Variants in ZNF618 observed in about 807,000 individuals in gnomAD.
ZNF618 encodes neural precursor cell expressed, developmentally down-regulated 10.
Under a neutral mutation model 103.0 loss-of-function variants are expected in ZNF618, and 34 were observed. The observed-to-expected ratio is 0.33, with a 90% CI of 0.25 to 0.44. The LOEUF (loss-of-function observed/expected upper bound fraction) is 0.44, where lower values mean the gene tolerates loss of function less well. Among genes scored for constraint, ZNF618 ranks in the 20% least tolerant of loss-of-function variants. The probability of loss-of-function intolerance (pLI) is 1.00; values close to 1 mark genes in which losing one functional copy is unlikely to be tolerated. For synonymous variants in ZNF618, 551 were observed against 542.2 expected, an observed-to-expected ratio of 1.02 and a Z score of -0.23; for missense variants, 1,059 against 1,295.4, an observed-to-expected ratio of 0.82 and a Z score of 2.80.
intron 1 of ZNF618, among the ~76,000 whole-genome samples, chr9:113,918,552 T>C (rs904301403): frequency 2.0e-5 from 3 of 152,214 alleles, no homozygotes; most frequent in Non-Finnish European, 4.4e-5. Context: ...TAGAAAGATC[T>C]CTCCTTTCTC....
chr9:114,054,302 A>C lies in ZNF618; in HGVS notation c.*4135A>C, dbSNP rs55994673. 6.6e-6 allele frequency: 1 copy of C among 151,870 alleles called. No homozygotes were observed. The highest frequency in any genetic ancestry group is 1.5e-5 in the Non-Finnish European group (1 of 67,952). The allele number at this position is 151,870 out of a possible 1,614,324, so 9.4% of individuals were successfully genotyped here. A position where few individuals can be genotyped will look rare whatever the true frequency, so the allele number is the denominator to read the frequency against. On this transcript the variant is annotated 3_prime_UTR_variant, in exon 15 of 15. Transcript: ENST00000374126. Reference sequence around the variant, plus strand: ...AGGGTCATTGGGAAGGTTTGAAATGAAGATGGGATGTGGCTGGAACAGCCT... The same window carrying C: ...AGGGTCATTGGGAAGGTTTGAAATGCAGATGGGATGTGGCTGGAACAGCCT...
intron 3 of ZNF618, among the ~76,000 whole-genome samples, chr9:113,989,162 A>G (rs1839779504): frequency 1.3e-5 from 2 of 152,238 alleles, no homozygotes; most frequent in South Asian, 2.1e-4. Context: ...CACAGACTCA[A>G]ATGCCCATGA....
intron 1 of ZNF618, among the ~76,000 whole-genome samples, chr9:113,944,468 G>T (rs1421517921): frequency 6.6e-6 from 1 of 152,076 alleles, no homozygotes; most frequent in Non-Finnish European, 1.5e-5. Context: ...TCATTGAGAC[G>T]GGATTTTGCC....
intron 12 of ZNF618, among the ~76,000 whole-genome samples, chr9:114,034,237 A>G (rs1197278249): frequency 6.6e-6 from 1 of 152,100 alleles, no homozygotes; most frequent in Non-Finnish European, 1.5e-5. Flanking sequence ...AACGTAATCC[A>G]CCCAACCTCT....
rs536265488 is a variant in ZNF618 at position 113,954,786 on chromosome 9, G to T, written c.34-14331G>T. ...TGGCCTTCAAAAGTTTAACCAGTAG[G>T]ATGCTCATCAGGAAGACTGGAATGT... On this transcript the variant is annotated intron_variant, in intron 1 of 14. Transcript: ENST00000374126. Among the ~76,000 whole-genome samples the T allele has an allele frequency of 2.6e-4, 39 of 152,300 alleles. 1 individual carries two copies. Among genetic ancestry groups the T allele is most frequent in the African/African-American group, 9.1e-4 (38 of 41,552 alleles).
At chr9:113,951,577 A>ACATC (rs1488977520) in intron 1 of ZNF618, among the ~76,000 whole-genome samples, 1 of 49,128 alleles carries the variant, frequency 2.0e-5, no homozygotes, top group Non-Finnish European at 4.2e-5. Flanking sequence ...GTGTGTGTAT[A>ACATC]TGTGTGTGTG....
chr9:113,986,845 A>G (rs1839532997), intron 2 of ZNF618, among the ~76,000 whole-genome samples: 1 of 152,154 alleles, frequency 6.6e-6, no homozygotes, highest in African/African-American at 2.4e-5. Flanking sequence ...ATGAAAGCTG[A>G]AGCTGGGAAG....
chr9:113,878,022 A>G (rs1035479445), intron 1 of ZNF618, among the ~76,000 whole-genome samples: 1 of 151,620 alleles, frequency 6.6e-6, no homozygotes, highest in Admixed American at 6.6e-5. Context: ...CACCCTTCCA[A>G]TTTGAAAAAT....
rs1368493746 is a variant in ZNF618 at position 114,052,697 on chromosome 9, G to A, written c.*2530G>A. On this transcript the variant is annotated 3_prime_UTR_variant, in exon 15 of 15. Coordinates refer to ENST00000374126, the MANE Select transcript of ZNF618 (RefSeq NM_001318042.2). Reference sequence around the variant, plus strand: ...CTACTTTGTGTGGTAGGTGAGAGCAGAGCCTGGGAGCCCATCCTCCCTCTA... The same window carrying A: ...CTACTTTGTGTGGTAGGTGAGAGCAAAGCCTGGGAGCCCATCCTCCCTCTA... 6.6e-6 allele frequency: 1 copy of A among 152,242 alleles called. No homozygotes were observed. Among genetic ancestry groups the A allele is most frequent in the Non-Finnish European group, 1.5e-5 (1 of 68,050 alleles). 9.4% of individuals were successfully genotyped at this position (152,242 alleles called of 1,614,324 possible).
At chr9:114,016,849 GC>G in intron 10 of ZNF618, 65 bp downstream of exon 10, 1 of 1,336,732 alleles carries the variant, frequency 7.5e-7, no homozygotes, top group Non-Finnish European at 1.0e-6. Flanking sequence ...CCAGCCGTTG[GC>G]CAGGCCTCTG....
chr9:114,047,486 T>TG (rs1241053198), intron 13 of ZNF618, among the ~76,000 whole-genome samples: 4 of 152,126 alleles, frequency 2.6e-5, no homozygotes, highest in South Asian at 2.1e-4. Context: ...TTTGGCCACT[T>TG]GGGGGGTGTA....
intron 1 of ZNF618, among the ~76,000 whole-genome samples, chr9:113,935,763 A>G (rs1280083973): frequency 6.6e-6 from 1 of 151,918 alleles, no homozygotes; most frequent in Non-Finnish European, 1.5e-5. Flanking sequence ...CTCTCCCTGC[A>G]CCCTGCCCTG....
intron 1 of ZNF618, among the ~76,000 whole-genome samples, chr9:113,948,924 G>C (rs1835293617): frequency 6.6e-6 from 1 of 152,242 alleles, no homozygotes; most frequent in Non-Finnish European, 1.5e-5. Flanking sequence ...GCTGCATTTT[G>C]AAACTGGGAG....
At chr9:114,039,879 T>C (rs1313206035) in intron 13 of ZNF618, among the ~76,000 whole-genome samples, 1 of 152,288 alleles carries the variant, frequency 6.6e-6, no homozygotes, top group African/African-American at 2.4e-5. Context: ...CAGTGGTCTC[T>C]CTCTGGGAAG....
In ZNF618 at chr9:113,888,908, G is replaced by A. The variant is rs188565917; in HGVS notation, c.33+12495G>A. On this transcript the variant is annotated intron_variant, in intron 1 of 14. Coordinates refer to ENST00000374126, the MANE Select transcript of ZNF618 (RefSeq NM_001318042.2). ...CTTGGAATAGCCAGGTAAGCAGGAG[G>A]CCTTTGGAACAGACAAGAGAGATTT... 2.6e-5 allele frequency among the ~76,000 whole-genome samples: 4 copies of A among 152,262 alleles called. No individual in the cohort carries two copies. In the East Asian group the frequency reaches 7.7e-4, roughly 29 times the overall value.
chr9:114,049,890 C>T lies in ZNF618; in HGVS notation c.2588C>T (p.Ala863Val). ...TCTGCTGCCGTCGAGAACCCCGCAG[C>T]TCAGGAAGATGATCGGCTAGGCAAA... is the stretch of plus-strand genomic sequence containing the variant. ...PRSAAVENPA[A>V]QEDDRLGKNE... The change falls in exon 15 of 15, where the codon GCT becomes GTT. Residue 863 changes from alanine (A) to valine (V), a missense_variant. Transcript: ENST00000374126. 6.2e-7 allele frequency: 1 copy of T among 1,613,960 alleles called. No individual in the cohort carries two copies. Among genetic ancestry groups the T allele is most frequent in the Non-Finnish European group, 8.5e-7 (1 of 1,179,912 alleles).
intron 4 of ZNF618, among the ~76,000 whole-genome samples, chr9:114,000,569 A>C (rs1260977664): frequency 7.2e-6 from 1 of 138,930 alleles, no homozygotes; most frequent in East Asian, 2.8e-4. Context: ...GACCCAGGAA[A>C]ACCAAAAGGT....
intron 10 of ZNF618, 151 bp from the exon 11 acceptor site, chr9:114,028,582 C>G (rs1843718696): frequency 2.5e-6 from 3 of 1,201,332 alleles, no homozygotes; most frequent in Admixed American, 2.9e-5. Context: ...TTCTCTGGCT[C>G]TGAGTTAAGT....
At chr9:113,947,597 A>G (rs1291825335) in intron 1 of ZNF618, among the ~76,000 whole-genome samples, 1 of 152,120 alleles carries the variant, frequency 6.6e-6, no homozygotes, top group Admixed American at 6.5e-5. Flanking sequence ...GTTGAACTGA[A>G]CTGAGCTGAA....
Sources: allele counts gnomAD v4.1 joint callset (sites outside exome capture counted in the v4.1 genomes callset), GRCh38; gene constraint gnomAD v4.1.1; transcripts MANE v1.5; gene names NCBI Gene and HGNC (gene_info 2026-07-23, HGNC 2026-07-21).